The following XKR9 variants were observed in gnomAD, a reference collection of about 807,000 sequenced individuals.
The protein encoded by XKR9 is XK related 9.
Under a neutral mutation model 32.0 loss-of-function variants are expected in XKR9, and 32 were observed. The observed-to-expected ratio is 1.00, with a 90% CI of 0.76 to 1.34. XKR9 has a LOEUF of 1.34. Ranked by LOEUF, XKR9 falls within the 40% of genes most tolerant of loss-of-function variation. The pLI, the probability that XKR9 is intolerant of heterozygous loss-of-function variation, is 0.00. For missense variants in XKR9, 546 were observed against 429.7 expected (o/e 1.27, Z -2.39); for synonymous variants, 168 against 143.4 (o/e 1.17, Z -1.22).
chr8:70,755,652 C>A (rs1174999912), intron 2 of XKR9, among the ~76,000 whole-genome samples: 1 of 150,068 alleles, frequency 6.7e-6, no homozygotes, highest in Non-Finnish European at 1.5e-5. Context: ...AGTAAACTAT[C>A]GGAAGGACAA....
chr8:70,697,158 A>G (rs9693727), intron 3 of XKR9, among the ~76,000 whole-genome samples: 38,061 of 136,380 alleles, frequency 0.28, 5,516 homozygotes, highest in Non-Finnish European at 0.38. Flanking sequence ...CTCTTTTCCT[A>G]GTTGAATACC....
the XKR9 span, among the ~76,000 whole-genome samples, chr8:70,847,979 T>A: frequency 1.3e-5 from 2 of 152,022 alleles, no homozygotes; most frequent in Non-Finnish European, 2.9e-5. Flanking sequence ...AGGCCAACAC[T>A]ACTCTGATAC....
the XKR9 span, among the ~76,000 whole-genome samples, chr8:71,061,326 G>A: frequency 7.2e-5 from 11 of 152,004 alleles, no homozygotes; most frequent in Admixed American, 2.0e-4. Flanking sequence ...ACGGGCCTTC[G>A]GACATTACTT....
intron 4 of XKR9, among the ~76,000 whole-genome samples, chr8:70,727,878 C>A (rs556178494): frequency 1.8e-4 from 27 of 151,646 alleles, no homozygotes; most frequent in African/African-American, 5.3e-4. Context: ...GGTAGTGCCA[C>A]CTGATCCATT....
chr8:70,994,167 A>G, the XKR9 span, among the ~76,000 whole-genome samples: 1 of 152,298 alleles, frequency 6.6e-6, no homozygotes, highest in East Asian at 1.9e-4. Context: ...GGACCAAGTC[A>G]AAGATTAATT....
the XKR9 span, among the ~76,000 whole-genome samples, chr8:70,870,548 G>A: frequency 6.6e-6 from 1 of 152,212 alleles, no homozygotes; most frequent in Non-Finnish European, 1.5e-5. Context: ...ATAAAGTATG[G>A]AAGCCAGCTG....
At chr8:70,729,575 C>A (rs1429873100) in intron 4 of XKR9, among the ~76,000 whole-genome samples, 1 of 151,966 alleles carries the variant, frequency 6.6e-6, no homozygotes, top group African/African-American at 2.4e-5. Flanking sequence ...GATTAGGAAA[C>A]CACCATTTAA....
At chr8:70,990,292 C>G in the XKR9 span, among the ~76,000 whole-genome samples, 4 of 152,104 alleles carry the variant, frequency 2.6e-5, no homozygotes, top group Admixed American at 6.6e-5. Context: ...TAGCAGAGAT[C>G]TTAAGATCTC....
At chr8:70,847,166 A>T in the XKR9 span, among the ~76,000 whole-genome samples, 2 of 152,070 alleles carry the variant, frequency 1.3e-5, no homozygotes, top group Non-Finnish European at 2.9e-5. Context: ...AAGGAATAAA[A>T]CTAGAAATCA....
intron 4 of XKR9, among the ~76,000 whole-genome samples, chr8:70,722,735 C>T (rs1437640554): frequency 1.3e-5 from 2 of 152,066 alleles, no homozygotes; most frequent in East Asian, 3.9e-4. Context: ...AACATTTTTT[C>T]CTTCATTTCA....
intron 2 of XKR9, among the ~76,000 whole-genome samples, chr8:70,679,908 A>G (rs1819017751): frequency 6.6e-6 from 1 of 152,032 alleles, no homozygotes; most frequent in Non-Finnish European, 1.5e-5. Flanking sequence ...TAGCATAAAC[A>G]TTTTCTCCAG....
chr8:70,973,528 G>C, the XKR9 span, among the ~76,000 whole-genome samples: 3 of 151,948 alleles, frequency 2.0e-5, no homozygotes, highest in African/African-American at 7.3e-5. Flanking sequence ...TGTTTCTCCA[G>C]TTCCATGAGG....
chr8:71,028,541 A>G, the XKR9 span, among the ~76,000 whole-genome samples: 10 of 152,176 alleles, frequency 6.6e-5, no homozygotes, highest in African/African-American at 2.4e-4. Flanking sequence ...TCAGCTAGAC[A>G]GGCGGAACAG....
At chr8:71,028,461 G>A in the XKR9 span, among the ~76,000 whole-genome samples, 1 of 152,096 alleles carries the variant, frequency 6.6e-6, no homozygotes, top group Non-Finnish European at 1.5e-5. Context: ...TATAATTATG[G>A]TTAGTCACCA....
chr8:71,036,981 TG>T, the XKR9 span, among the ~76,000 whole-genome samples: 14 of 151,804 alleles, frequency 9.2e-5, no homozygotes, highest in Non-Finnish European at 1.3e-4. Context: ...CCCAAAGTGC[TG>T]GGATTCTAGG....
chr8:70,744,334 T>C (rs978154354), intron 2 of XKR9, among the ~76,000 whole-genome samples: 1 of 151,964 alleles, frequency 6.6e-6, no homozygotes, highest in African/African-American at 2.4e-5. Context: ...CTTTCTGTAA[T>C]ATTTACTTAG....
chr8:70,756,511 C>G (rs1275073284), intron 2 of XKR9, among the ~76,000 whole-genome samples: 1 of 152,000 alleles, frequency 6.6e-6, no homozygotes, highest in African/African-American at 2.4e-5. Flanking sequence ...AGATGTTTTT[C>G]CATTTATTTA....
At chr8:71,052,214 T>C in the XKR9 span, among the ~76,000 whole-genome samples, 1 of 152,112 alleles carries the variant, frequency 6.6e-6, no homozygotes, top group Non-Finnish European at 1.5e-5. Context: ...AATACAATGA[T>C]TGTTGTTATT....
At chr8:70,702,764 ATTT>A (rs1805583615) in intron 3 of XKR9, among the ~76,000 whole-genome samples, 1 of 152,064 alleles carries the variant, frequency 6.6e-6, no homozygotes, top group African/African-American at 2.4e-5. Flanking sequence ...TTATTTGGTG[ATTT>A]CCTTTCAAAC....
Sources: gnomAD v4.1 joint callset for allele counts (sites outside exome capture counted in the v4.1 genomes callset) on GRCh38, gnomAD v4.1.1 for gene constraint, MANE v1.5 for transcripts, NCBI Gene and HGNC (gene_info 2026-07-23, HGNC 2026-07-21) for gene names.